The following ZNF81 variants were observed in gnomAD, a reference collection of about 807,000 sequenced individuals.
ZNF81 encodes the protein zinc finger protein 81 (HFZ20).
A neutral mutation model predicts 32.3 loss-of-function variants in ZNF81; 5 were observed. That is an observed-to-expected ratio of 0.15 (90% CI 0.08 to 0.33). The LOEUF (loss-of-function observed/expected upper bound fraction) is 0.33, where lower values mean the gene tolerates loss of function less well. Among genes scored for constraint, ZNF81 ranks in the 10% least tolerant of loss-of-function variants. The probability of loss-of-function intolerance (pLI) is 1.00; values close to 1 mark genes in which losing one functional copy is unlikely to be tolerated. For missense variants in ZNF81, 379 were observed against 479.8 expected (o/e 0.79, Z 1.96); for synonymous variants, 163 against 166.8 (o/e 0.98, Z 0.17).
At chrX:47,849,036 A>G (rs2058482768) in intron 2 of ZNF81, among the ~76,000 whole-genome samples, 1 of 111,822 alleles carries the variant, frequency 8.9e-6, no homozygotes, top group Non-Finnish European at 1.9e-5. Flanking sequence ...CAATTAAAGA[A>G]ATTTTTATCA....
chrX:47,839,300 T>C (rs1043036642), intron 1 of ZNF81, among the ~76,000 whole-genome samples: 7 of 112,046 alleles, frequency 6.2e-5, no homozygotes, highest in African/African-American at 1.9e-4. Flanking sequence ...GTAATAGTTA[T>C]GTAACTATTC....
chrX:47,850,887 GCGCGCA>G (rs1428154153), intron 2 of ZNF81, among the ~76,000 whole-genome samples: 28 of 24,563 alleles, frequency 1.1e-3, no homozygotes, highest in East Asian at 5.1e-3. Context: ...TCACAGGCAC[GCGCGCA>G]CACACACACA....
At chrX:47,867,534 G>C (rs2058564620) in intron 2 of ZNF81, among the ~76,000 whole-genome samples, 1 of 111,538 alleles carries the variant, frequency 9.0e-6, no homozygotes, top group Admixed American at 9.5e-5. Context: ...TGGGCAGTTA[G>C]ACATCTAAAG....
At chrX:47,877,169 C>T (rs950091230) in intron 2 of ZNF81, among the ~76,000 whole-genome samples, 7 of 110,935 alleles carry the variant, frequency 6.3e-5, no homozygotes, top group Non-Finnish European at 1.1e-4. Context: ...CTAATCCCTG[C>T]CTAAACCCCA....
At chrX:47,912,038 G>A (rs568232538) in intron 4 of ZNF81, among the ~76,000 whole-genome samples, 8 of 106,727 alleles carry the variant, frequency 7.5e-5, no homozygotes, top group East Asian at 2.8e-4. Flanking sequence ...CTTCATTTAC[G>A]TACTCTTCAT....
rs782442941 is a variant in ZNF81 at position 47,916,354 on chromosome X, A to T, written c.1708A>T (p.Ile570Phe). 1 of 1,211,718 alleles carries T rather than the reference A, an allele frequency of 8.3e-7. No individual in the cohort carries two copies. The highest frequency in any genetic ancestry group is 3.0e-5 in the East Asian group (1 of 33,831). Residue 570 changes from isoleucine (I) to phenylalanine (F), a missense_variant, in exon 5 of 5, where the codon ATT (isoleucine) becomes TTT (phenylalanine). Physicochemically the swap from Ile to Phe is conservative, Grantham distance 21. Around this residue, in one of 2 missense-constraint regions of ZNF81, gnomAD observed 102 missense variants for 173.2 expected, o/e 0.59. Coordinates refer to ENST00000338637, the MANE Select transcript of ZNF81 (RefSeq NM_007137.5). The part of the protein sequence containing the change: ...GRAFIQKSEL[I>F]THQRIHTTEK... ...GGCCTTCATCCAGAAGTCAGAGTTG[A>T]TTACACATCAGAGAATTCATACTAC...
Position 47,846,166 on chromosome X carries a change from C to T in ZNF81, c.-102C>T, listed in dbSNP as rs2058469334. 10 of 986,106 alleles carry T rather than the reference C, an allele frequency of 1.0e-5. No individual in the cohort carries two copies. Among genetic ancestry groups the T allele is most frequent in the Non-Finnish European group, 1.4e-6 (1 of 710,150 alleles). 81.3% of individuals were successfully genotyped at this position (986,106 alleles called of 1,213,427 possible). A position where few individuals can be genotyped will look rare whatever the true frequency, so the allele number is the denominator to read the frequency against. On this transcript the variant is annotated 5_prime_UTR_variant, in exon 2 of 5. Transcript: ENST00000338637. Reference sequence around the variant, plus strand: ...CTCACAGTGAAAGCTGCAGGATCTTCCTTCTGACCCCAGCAGTCCCCGTTG... The same window carrying T: ...CTCACAGTGAAAGCTGCAGGATCTTTCTTCTGACCCCAGCAGTCCCCGTTG...
intron 4 of ZNF81, among the ~76,000 whole-genome samples, chrX:47,896,168 A>C (rs1232228965): frequency 9.0e-6 from 1 of 111,134 alleles, no homozygotes; most frequent in Non-Finnish European, 1.9e-5. Context: ...GAATTGCCCC[A>C]ATTCCTATAC....
intron 2 of ZNF81, among the ~76,000 whole-genome samples, chrX:47,861,688 C>A (rs1372539849): frequency 8.9e-6 from 1 of 112,226 alleles, no homozygotes; most frequent in Non-Finnish European, 1.9e-5. Context: ...CAGGCCCAAC[C>A]AGCTGAACAA....
intron 4 of ZNF81, among the ~76,000 whole-genome samples, chrX:47,901,366 T>G (rs1556887956): frequency 8.9e-6 from 1 of 112,032 alleles, no homozygotes; most frequent in Non-Finnish European, 1.9e-5. Flanking sequence ...GTCTATATGC[T>G]GTTTATTTTT....
At chrX:47,905,768 G>C (rs1478265516) in intron 4 of ZNF81, among the ~76,000 whole-genome samples, 1 of 112,067 alleles carries the variant, frequency 8.9e-6, no homozygotes, top group Non-Finnish European at 1.9e-5. Flanking sequence ...TCTACCCCTC[G>C]TACTTTATCT....
At chrX:47,853,476 G>A (rs782012879) in intron 2 of ZNF81, among the ~76,000 whole-genome samples, 5 of 111,680 alleles carry the variant, frequency 4.5e-5, no homozygotes, top group Admixed American at 1.9e-4. Flanking sequence ...CACCGTGCCC[G>A]GCCGATTTGG....
intron 2 of ZNF81, among the ~76,000 whole-genome samples, chrX:47,886,601 CT>C (rs564623338): frequency 1.9e-3 from 178 of 96,101 alleles, no homozygotes; most frequent in African/African-American, 2.1e-3. Context: ...CTCTCTCTCT[CT>C]TTTTTTTTTT....
At chrX:47,910,331 G>A (rs2058735501) in intron 4 of ZNF81, among the ~76,000 whole-genome samples, 1 of 111,553 alleles carries the variant, frequency 9.0e-6, no homozygotes, top group African/African-American at 3.3e-5. Flanking sequence ...TTCGCAACCT[G>A]CTCATCTGAC....
intron 3 of ZNF81, among the ~76,000 whole-genome samples, chrX:47,891,212 C>A (rs2058661270): frequency 8.9e-6 from 1 of 112,796 alleles, no homozygotes; most frequent in Non-Finnish European, 1.9e-5. Context: ...AAACATTTGC[C>A]AGATCAATAG....
rs782769932 is a variant in ZNF81 at position 47,885,916 on chromosome X, T to C, written c.55-2083T>C. On this transcript the variant is annotated intron_variant, in intron 2 of 4. Coordinates refer to ENST00000338637, the MANE Select transcript of ZNF81 (RefSeq NM_007137.5). ...AATTTTGTTCTCTCTGCTTTTCAGA[T>C]TGGATAATTTCTGTTGGTCTATGTT... 3.6e-5 allele frequency among the ~76,000 whole-genome samples: 4 copies of C among 112,329 alleles called. No individual in the cohort carries two copies. The East Asian group carries it at 1.1e-3, about 31-fold the overall frequency.
chrX:47,857,778 C>CA (rs1556882073), intron 2 of ZNF81, among the ~76,000 whole-genome samples: 1 of 111,812 alleles, frequency 8.9e-6, no homozygotes, highest in African/African-American at 3.3e-5. Flanking sequence ...CCTGCAAGCT[C>CA]ACTGACAAAA....
chrX:47,886,109 A>T (rs1033739636), intron 2 of ZNF81, among the ~76,000 whole-genome samples: 1 of 112,205 alleles, frequency 8.9e-6, no homozygotes, highest in African/African-American at 3.2e-5. Flanking sequence ...GTTTTTGAGC[A>T]TAATTATAAC....
chrX:47,857,730 C>T (rs2058523100), intron 2 of ZNF81, among the ~76,000 whole-genome samples: 1 of 111,772 alleles, frequency 8.9e-6, no homozygotes. Context: ...CCCTTATCCA[C>T]TCCCAGCCAA....
Sources: gnomAD v4.1 joint callset for allele counts (sites outside exome capture counted in the v4.1 genomes callset) on GRCh38, gnomAD v4.1.1 for gene constraint, gnomAD v4.1.1 regional missense constraint, MANE v1.5 for transcripts, NCBI Gene and HGNC (gene_info 2026-07-23, HGNC 2026-07-21) for gene names.